The following RNH1 variants were observed in gnomAD, a reference collection of about 807,000 sequenced individuals.
RNH1 encodes the protein ribonuclease/angiogenin inhibitor 1.
Under a neutral mutation model 46.1 loss-of-function variants are expected in RNH1, and 38 were observed. The observed-to-expected ratio is 0.82, with a 90% confidence interval of 0.64 to 1.08. RNH1 has a LOEUF of 1.08. Among genes scored for constraint, RNH1 ranks in the 50% least tolerant of loss-of-function variants. The pLI, the probability that RNH1 is intolerant of heterozygous loss-of-function variation, is 0.00. For missense variants in RNH1, 577 were observed against 590.7 expected (o/e 0.98, Z 0.24); for synonymous variants, 319 against 279.1 (o/e 1.14, Z -1.43).
In RNH1 at chr11:497,961, A is replaced by G. The variant is rs772764579; in HGVS notation, c.1127+10T>C. 2.5e-6 allele frequency: 4 copies of G among 1,610,950 alleles called. No individual in the cohort carries two copies. In the Admixed American group the frequency reaches 6.7e-5, roughly 27 times the overall value. On this transcript the variant is annotated intron_variant, in intron 9 of 10. Coordinates refer to ENST00000354420, the MANE Select transcript of RNH1 (RefSeq NM_203387.3). ...CCAAATGTGCATACTCGTGTCCCTC[A>G]CACACTCACCAGAGCACCCGCAGCA...
In RNH1 at chr11:502,626, T is replaced by C. The variant is rs975288503; in HGVS notation, c.-87-377A>G. 1.6e-4 allele frequency: 33 copies of C among 200,226 alleles called. No individual in the cohort carries two copies. The highest frequency in any genetic ancestry group is 7.3e-4 in the African/African-American group (32 of 43,574). The allele number at this position is 200,226 out of a possible 1,614,324, so 12.4% of individuals were successfully genotyped here. ...AGCAAGGGGGTCTGTGGGCTTGACC[T>C]GTGTCTCACCCTCAGGACAGGCAGA... On this transcript the variant is annotated intron_variant, in intron 2 of 10. Transcript: ENST00000354420. This position sits in a 1 kb window ranked among gnomAD's most constrained non-coding sequence, Gnocchi z 5.8.
Position 494,583 on chromosome 11 carries a change from G to GT in RNH1, c.*107dup. Reference sequence around the variant, plus strand: ...CTGGCAGAAATAAGCGGATCTGAGCGTTTCTCTTCAAACCTAGGATATGCA... The same window carrying GT: ...CTGGCAGAAATAAGCGGATCTGAGCGTTTTCTCTTCAAACCTAGGATATGCA... On this transcript the variant is annotated 3_prime_UTR_variant, in exon 11 of 11. Coordinates refer to ENST00000354420, the MANE Select transcript of RNH1 (RefSeq NM_203387.3). 2.2e-6 allele frequency: 2 copies of GT among 925,320 alleles called. No individual in the cohort carries two copies. Among genetic ancestry groups the GT allele is most frequent in the Non-Finnish European group, 3.4e-6 (2 of 579,772 alleles). The allele number at this position is 925,320 out of a possible 1,614,324, so 57.3% of individuals were successfully genotyped here. A position where few individuals can be genotyped will look rare whatever the true frequency, so the allele number is the denominator to read the frequency against.
chr11:499,606 T>C lies in RNH1; in HGVS notation c.443+223A>G, dbSNP rs1849543064. 4.2e-6 allele frequency: 3 copies of C among 721,542 alleles called. No individual in the cohort carries two copies. The East Asian group carries it at 8.0e-5, about 19-fold the overall frequency. The allele number at this position is 721,542 out of a possible 1,614,324, so 44.7% of individuals were successfully genotyped here. A position where few individuals can be genotyped will look rare whatever the true frequency, so the allele number is the denominator to read the frequency against. ...CTGTGCCTTGCAAAGGACAACTGGA[T>C]GGGGAGGGAGGGTGATGACAGATCC... On this transcript the variant is annotated intron_variant, in intron 5 of 10. Transcript: ENST00000354420.
At chr11:500,463 C>T (rs773861759) in intron 4 of RNH1, 21 bp downstream of exon 4, 1 of 1,595,678 alleles carries the variant, frequency 6.3e-7, no homozygotes. Flanking sequence ...AGGCCAGAGG[C>T]AGTGCCAGGC....
intron 4 of RNH1, 136 bp from the exon 5 acceptor site, chr11:500,135 G>A (rs1849609205): frequency 1.9e-6 from 2 of 1,054,158 alleles, no homozygotes; most frequent in Non-Finnish European, 2.7e-6. Flanking sequence ...CGGGGCTCTG[G>A]GGTCTGGGGT....
intron 2 of RNH1, chr11:503,436 G>A (rs1005315352): frequency 6.6e-6 from 1 of 152,392 alleles, no homozygotes; most frequent in African/African-American, 2.4e-5. Context: ...AAGACGCAAG[G>A]CTGGGCTCGG....
chr11:505,181 G>A (rs1017964104), intron 1 of RNH1, 185 bp from the exon 2 acceptor site: 4 of 152,138 alleles, frequency 2.6e-5, no homozygotes, highest in Non-Finnish European at 5.9e-5. Context: ...TGTGTCACCG[G>A]CCGCGGTCAC....
chr11:501,074 C>T lies in RNH1; in HGVS notation c.102-420G>A. ...GCCCAGGAGGTTGAGGCCGCATAAG[C>T]CATGAGGGAGCCACTCCAGCCTGGG... On this transcript the variant is annotated intron_variant, in intron 3 of 10. Coordinates refer to ENST00000354420, the MANE Select transcript of RNH1 (RefSeq NM_203387.3). This position sits in a 1 kb window ranked among gnomAD's most constrained non-coding sequence, Gnocchi z 4.1. 2.9e-6 allele frequency: 1 copy of T among 346,418 alleles called. No homozygotes were observed. The highest frequency in any genetic ancestry group is 5.7e-6 in the Non-Finnish European group (1 of 176,734). 21.5% of individuals were successfully genotyped at this position (346,418 alleles called of 1,614,324 possible).
intron 2 of RNH1, chr11:504,508 C>G (rs1171531146): frequency 1.3e-5 from 2 of 152,138 alleles, no homozygotes; most frequent in African/African-American, 4.8e-5. Context: ...GCCTCCAGGC[C>G]GGGGCTGGCG....
At chr11:495,124 G>A (rs1377063321) in intron 9 of RNH1, 71 bp from the exon 10 acceptor site, 3 of 1,458,708 alleles carry the variant, frequency 2.1e-6, no homozygotes, top group Non-Finnish European at 2.8e-6. Flanking sequence ...GAGCAGGCCT[G>A]GGCCTGGGGG....
Position 494,602 on chromosome 11 carries a change from A to G in RNH1, c.*89T>C. On this transcript the variant is annotated 3_prime_UTR_variant, in exon 11 of 11. Coordinates refer to ENST00000354420, the MANE Select transcript of RNH1 (RefSeq NM_203387.3). Reference sequence around the variant, plus strand: ...CTGAGCGTTTCTCTTCAAACCTAGGATATGCAGGGTGAGAGCATGGCAGGG... The same window carrying G: ...CTGAGCGTTTCTCTTCAAACCTAGGGTATGCAGGGTGAGAGCATGGCAGGG... The G allele has an allele frequency of 9.2e-7, 1 of 1,092,386 alleles. No individual in the cohort carries two copies. The highest frequency in any genetic ancestry group is 1.4e-6 in the Non-Finnish European group (1 of 721,942). 67.7% of individuals were successfully genotyped at this position (1,092,386 alleles called of 1,614,324 possible).
chr11:497,201 A>C (rs796886209), intron 9 of RNH1, among the ~76,000 whole-genome samples: 1 of 131,596 alleles, frequency 7.6e-6, no homozygotes, highest in Admixed American at 7.6e-5. Context: ...GCTCACTCTC[A>C]CCCATGTGCT....
At chr11:496,789 G>A (rs771473512) in intron 9 of RNH1, among the ~76,000 whole-genome samples, 21 of 152,222 alleles carry the variant, frequency 1.4e-4, no homozygotes, top group Non-Finnish European at 2.2e-4. Context: ...CCTTTTCTTA[G>A]AAAGCTGCAA....
chr11:499,507 C>G (rs752055846), intron 5 of RNH1: 4 of 696,770 alleles, frequency 5.7e-6, no homozygotes, highest in Non-Finnish European at 1.0e-5. Context: ...CCGGGTCCCC[C>G]ACACACACTG....
At chr11:507,013 A>C (rs532030951) in intron 1 of RNH1, 100 bp downstream of exon 1, 117 of 152,312 alleles carry the variant, frequency 7.7e-4, no homozygotes, top group African/African-American at 2.7e-3. Flanking sequence ...CCGCGCAGCA[A>C]CGGCCTCAAT....
At chr11:504,493 G>A (rs1850071994) in intron 2 of RNH1, 1 of 152,116 alleles carries the variant, frequency 6.6e-6, no homozygotes, top group South Asian at 2.1e-4. Context: ...GCGGGGGCGG[G>A]CGGAGCCTCC....
At chr11:503,247 AC>A (rs1849920095) in intron 2 of RNH1, 2 of 152,116 alleles carry the variant, frequency 1.3e-5, no homozygotes, top group Admixed American at 1.3e-4. Flanking sequence ...AAATGATGCA[AC>A]CCCAGCTGCC....
At chr11:497,355 A>C (rs1320769916) in intron 9 of RNH1, among the ~76,000 whole-genome samples, 29 of 128,796 alleles carry the variant, frequency 2.3e-4, no homozygotes, top group African/African-American at 8.6e-4. Context: ...ACACACGGAC[A>C]CTCATGCTCA....
rs1849459630 is a variant in RNH1 at position 499,084 on chromosome 11, A to G, written c.545T>C (p.Ile182Thr). The stretch of plus-strand genomic sequence containing the variant: ...CAGCACACGGACGCCAGCCTCATTG[A>G]TGTCGTTGTTGCTAACCGTGAGCTC... ...FKELTVSNND[I>T]NEAGVRVLCQ... The change falls in exon 6 of 11, where the codon ATC becomes ACC. Residue 182 changes from isoleucine (I) to threonine (T), a missense_variant. Transcript: ENST00000354420. 1.2e-6 allele frequency: 2 copies of G among 1,613,080 alleles called. No homozygotes were observed. The highest frequency in any genetic ancestry group is 1.3e-5 in the African/African-American group (1 of 74,816).
Sources: gnomAD v4.1 joint callset for allele counts (sites outside exome capture counted in the v4.1 genomes callset) on GRCh38, gnomAD v4.1.1 for gene constraint, Gnocchi (gnomAD v3.1) non-coding constraint, MANE v1.5 for transcripts, NCBI Gene and HGNC (gene_info 2026-07-23, HGNC 2026-07-21) for gene names.